Variants in E2F7 observed in about 807,000 individuals in gnomAD.
E2F7 encodes the protein transcription factor E2F7.
E2F7 carries 35 observed loss-of-function variants against 81.1 expected under a neutral mutation model. The observed-to-expected ratio is 0.43, with a 90% confidence interval of 0.33 to 0.57. The LOEUF (loss-of-function observed/expected upper bound fraction) is 0.57, where lower values mean the gene tolerates loss of function less well. Among genes scored for constraint, E2F7 ranks in the 20% least tolerant of loss-of-function variants. The probability of loss-of-function intolerance (pLI) is 0.04; values close to 1 mark genes in which losing one functional copy is unlikely to be tolerated. For synonymous variants in E2F7, 416 were observed against 416.2 expected (o/e 1.00, Z 0.01); for missense variants, 961 against 1,093.7 (o/e 0.88, Z 1.71).
intron 4 of E2F7, among the ~76,000 whole-genome samples, chr12:77,046,971 G>A (rs916767594): frequency 6.6e-5 from 10 of 152,160 alleles, no homozygotes; most frequent in Non-Finnish European, 1.3e-4. Context: ...GCTGGGGTTG[G>A]AACAACATGG....
At chr12:77,042,785 A>G (rs1394100710) in intron 7 of E2F7, among the ~76,000 whole-genome samples, 4 of 152,220 alleles carry the variant, frequency 2.6e-5, no homozygotes, top group Non-Finnish European at 5.9e-5. Context: ...TCTCGGTCCC[A>G]AACTTTCAGG....
chr12:77,034,822 TTA>T (rs1446222057), intron 7 of E2F7, among the ~76,000 whole-genome samples: 2 of 152,226 alleles, frequency 1.3e-5, no homozygotes, highest in African/African-American at 4.8e-5. Flanking sequence ...CCAGCTGGAC[TTA>T]TATTTTCTAA....
chr12:77,059,839 T>C lies in E2F7; in HGVS notation c.94-3709A>G, dbSNP rs546699023. Among the ~76,000 whole-genome samples the C allele has an allele frequency of 2.6e-5, 4 of 151,974 alleles. No individual in the cohort carries two copies. The South Asian group carries it at 8.3e-4, about 32-fold the overall frequency. On this transcript the variant is annotated intron_variant, in intron 2 of 12. Coordinates refer to ENST00000322886, the MANE Select transcript of E2F7 (RefSeq NM_203394.3). The stretch of plus-strand genomic sequence containing the variant: ...TTAGCTGGGCGTGGTGGCGGGCGCC[T>C]GTAGTCCCAGCTACTCTGGAGGCTG...
At chr12:77,044,444 G>T in intron 6 of E2F7, 193 bp downstream of exon 6, 2 of 647,780 alleles carry the variant, frequency 3.1e-6, no homozygotes, top group Non-Finnish European at 2.6e-6. Context: ...AAAAGGCACT[G>T]ACAGGACTCT....
intron 6 of E2F7, 32 bp downstream of exon 6, chr12:77,044,605 G>A (rs1295158018): frequency 1.2e-6 from 2 of 1,608,678 alleles, no homozygotes; most frequent in East Asian, 2.2e-5. Context: ...CCCTTTATGT[G>A]CTAGTAAGTT....
At chr12:77,045,912 G>T in intron 5 of E2F7, 126 bp downstream of exon 5, 2 of 1,200,016 alleles carry the variant, frequency 1.7e-6, no homozygotes, top group Non-Finnish European at 1.2e-6. Flanking sequence ...CTTCAGTGAG[G>T]AGAATAAGAG....
At chr12:77,063,116 C>T (rs1022986580) in intron 2 of E2F7, among the ~76,000 whole-genome samples, 6 of 152,186 alleles carry the variant, frequency 3.9e-5, no homozygotes, top group African/African-American at 1.4e-4. Context: ...GTAGATACTA[C>T]CTGCTCGAGC....
chr12:77,027,866 A>G lies in E2F7; in HGVS notation c.2140+17T>C. Reference sequence around the variant, plus strand: ...TGACTGCCGCAAGGGACTCTAAGACATGATGACATCCCTTACCTGCAGGAG... The same window carrying G: ...TGACTGCCGCAAGGGACTCTAAGACGTGATGACATCCCTTACCTGCAGGAG... On this transcript the variant is annotated intron_variant, in intron 11 of 12. Transcript: ENST00000322886. 1.2e-6 allele frequency: 2 copies of G among 1,613,112 alleles called. No homozygotes were observed. Among genetic ancestry groups the G allele is most frequent in the African/African-American group, 1.3e-5 (1 of 74,914 alleles).
chr12:77,023,887 A>C lies in E2F7; in HGVS notation c.*128T>G, dbSNP rs1328511394. On this transcript the variant is annotated 3_prime_UTR_variant, in exon 13 of 13. Transcript: ENST00000322886. ...AATCAGATGATTGATGGTGGTGGGAAGTTAACAGAAGTGTGGATGAAAGAG... is the reference window on the plus strand; with the variant it reads ...AATCAGATGATTGATGGTGGTGGGACGTTAACAGAAGTGTGGATGAAAGAG... 7.6e-6 allele frequency: 8 copies of C among 1,055,238 alleles called. No homozygotes were observed. The highest frequency in any genetic ancestry group is 1.1e-5 in the Non-Finnish European group (8 of 730,098). The allele number at this position is 1,055,238 out of a possible 1,614,324, so 65.4% of individuals were successfully genotyped here.
At position 77,023,931 on chromosome 12, in the gene E2F7, C is replaced by G; in HGVS notation, c.*84G>C. The G allele has an allele frequency of 6.7e-7, 1 of 1,498,412 alleles. No individual in the cohort carries two copies. The highest frequency in any genetic ancestry group is 9.0e-7 in the Non-Finnish European group (1 of 1,111,306). The allele number at this position is 1,498,412 out of a possible 1,614,324, so 92.8% of individuals were successfully genotyped here. Reference sequence around the variant, plus strand: ...GAAAGAGAGAGGAAGGACCCGTGCTCAGGACGGGATGGTTTGCATCCCGCC... The same window carrying G: ...GAAAGAGAGAGGAAGGACCCGTGCTGAGGACGGGATGGTTTGCATCCCGCC... On this transcript the variant is annotated 3_prime_UTR_variant, in exon 13 of 13. Transcript: ENST00000322886.
At position 77,028,200 on chromosome 12, in the gene E2F7, T is replaced by C. The variant is rs541006284; in HGVS notation, c.1885-62A>G. 6.9e-5 allele frequency: 98 copies of C among 1,426,232 alleles called. 1 individual carries two copies. The East Asian group carries it at 1.3e-3, about 19-fold the overall frequency. 88.3% of individuals were successfully genotyped at this position (1,426,232 alleles called of 1,614,324 possible). ...TAAAATTCCAGTAGTAAATCTCTCT[T>C]TTTTTTTTTTGAGATGGAGTCTCAC... On this transcript the variant is annotated intron_variant, in intron 10 of 12. Coordinates refer to ENST00000322886, the MANE Select transcript of E2F7 (RefSeq NM_203394.3).
chr12:77,062,626 A>C (rs1955087307), intron 2 of E2F7, among the ~76,000 whole-genome samples: 1 of 152,214 alleles, frequency 6.6e-6, no homozygotes, highest in African/African-American at 2.4e-5. Context: ...AGAATGTGAA[A>C]GCTCAACTGG....
At position 77,024,086 on chromosome 12, in the gene E2F7, C is replaced by T; in HGVS notation, c.2665G>A (p.Glu889Lys). Reference sequence around the variant, plus strand: ...CTGGTGTTTCGTGACTGGTTCCTTTCTCTTCTCTTCAGGACAGGGTCTCCA... The same window carrying T: ...CTGGTGTTTCGTGACTGGTTCCTTTTTCTTCTCTTCAGGACAGGGTCTCCA... ...SLGDPVLKRR[E>K]RNQSRNTSSA... is the part of the protein sequence containing the mutation. The change falls in exon 13 of 13, where the codon GAA becomes AAA. Residue 889 changes from glutamate to lysine, a missense_variant. This residue lies in a region of E2F7 where 587 missense variants were observed against 620.3 expected (regional missense o/e 0.95). Transcript: ENST00000322886. 2 of 1,613,964 alleles carry T rather than the reference C, an allele frequency of 1.2e-6. No individual in the cohort carries two copies. The highest frequency in any genetic ancestry group is 1.7e-6 in the Non-Finnish European group (2 of 1,179,964).
Position 77,025,993 on chromosome 12 carries a change from A to T in E2F7, c.2141-11T>A, listed in dbSNP as rs539649566. 1 of 1,595,224 alleles carries T rather than the reference A, an allele frequency of 6.3e-7. No homozygotes were observed. The highest frequency in any genetic ancestry group is 1.8e-5 in the Admixed American group (1 of 57,016). The stretch of plus-strand genomic sequence containing the variant: ...TGAAACCATTTAATCCTGAAAGAAA[A>T]GCAGAACAGGCGAAAATCAATATAT... On this transcript the variant is annotated splice_polypyrimidine_tract_variant and intron_variant, in intron 11 of 12. Transcript: ENST00000322886.
chr12:77,039,425 AG>A (rs2120675875), intron 7 of E2F7, among the ~76,000 whole-genome samples: 1 of 152,362 alleles, frequency 6.6e-6, no homozygotes, highest in African/African-American at 2.4e-5. Context: ...TCTGATAAAA[AG>A]ACTTGTATGC....
At chr12:77,043,662 A>G (rs1459213940) in intron 6 of E2F7, among the ~76,000 whole-genome samples, 1 of 152,094 alleles carries the variant, frequency 6.6e-6, no homozygotes, top group East Asian at 1.9e-4. Flanking sequence ...TCCTGGGCAC[A>G]CAGGATGCTC....
In E2F7 at chr12:77,030,048, A is replaced by G; in HGVS notation, c.1667T>C (p.Met556Thr). 2 of 1,614,198 alleles carry G rather than the reference A, an allele frequency of 1.2e-6. No individual in the cohort carries two copies. Among genetic ancestry groups the G allele is most frequent in the Non-Finnish European group, 1.7e-6 (2 of 1,180,038 alleles). ...TCCCTCCTGCAGACTTCCATACAGC[A>G]TGAACAGTGAGGCAGAGGGCACATA... ...LVYVPSASLF[M>T]LYGSLQEGPA... is the part of the protein sequence containing the mutation. Residue 556 changes from methionine (M) to threonine (T), a missense_variant, in exon 10 of 13, where the codon ATG becomes ACG. Physicochemically the swap from Met to Thr is moderately conservative, Grantham distance 81. Transcript: ENST00000322886.
At position 77,025,625 on chromosome 12, in the gene E2F7, C is replaced by A. The variant is rs750376351; in HGVS notation, c.2498G>T (p.Ser833Ile). Residue 833 changes from serine to isoleucine, a missense_variant, in exon 12 of 13, where the codon AGT becomes ATT. By Grantham distance (142) the Ser-to-Ile change is moderately radical (BLOSUM62 -2). This residue lies in a region of E2F7 where 587 missense variants were observed against 620.3 expected (regional missense o/e 0.95). Coordinates refer to ENST00000322886, the MANE Select transcript of E2F7 (RefSeq NM_203394.3). ...NLSPVMSRSH[S>I]VVQQPESPVY... is the part of the protein sequence containing the mutation. ...GGGGGACTCAGGTTGTTGGACGACA[C>A]TGTGTGACCTTGACATCACTGGACT... 6 of 1,614,056 alleles carry A rather than the reference C, an allele frequency of 3.7e-6. No individual in the cohort carries two copies. The highest frequency in any genetic ancestry group is 5.1e-6 in the Non-Finnish European group (6 of 1,180,042).
rs1421505430 is a variant in E2F7, at chr12:77,025,618, G to A, written c.2505C>T (p.Val835=). 5.0e-6 allele frequency: 8 copies of A among 1,614,096 alleles called. No homozygotes were observed. Among genetic ancestry groups the A allele is most frequent in the Non-Finnish European group, 6.8e-6 (8 of 1,180,052 alleles). The change falls in exon 12 of 13, where the codon GTC becomes GTT. Residue 835 remains valine (V), a synonymous_variant. Coordinates refer to ENST00000322886, the MANE Select transcript of E2F7 (RefSeq NM_203394.3). ...CGTAAACGGGGGACTCAGGTTGTTG[G>A]ACGACACTGTGTGACCTTGACATCA... ...SPVMSRSHSV[V]QQPESPVYVG... is the part of the protein sequence containing the mutation.
Sources: allele counts gnomAD v4.1 joint callset (sites outside exome capture counted in the v4.1 genomes callset), GRCh38; gene constraint gnomAD v4.1.1; regional missense constraint gnomAD v4.1.1; transcripts MANE v1.5; gene names NCBI Gene and HGNC (gene_info 2026-07-23, HGNC 2026-07-21).